Variants in LAPTM5 observed in about 807,000 individuals in gnomAD.
LAPTM5 encodes the protein lysosomal protein transmembrane 5, also known as lysosomal-associated transmembrane protein 5.
LAPTM5 carries 11 observed loss-of-function variants against 30.1 expected under a neutral mutation model. That is an observed-to-expected ratio of 0.37 (90% CI 0.23 to 0.60). The LOEUF (loss-of-function observed/expected upper bound fraction) is 0.60. Among genes scored for constraint, LAPTM5 ranks in the 20% least tolerant of loss-of-function variants. The pLI, the probability that LAPTM5 is intolerant of heterozygous loss-of-function variation, is 0.71. For missense variants in LAPTM5, 324 were observed against 332.5 expected, an observed-to-expected ratio of 0.97 and a Z score of 0.20; for synonymous variants, 151 against 137.9, an observed-to-expected ratio of 1.10 and a Z score of -0.67.
rs1363524588 is a variant in LAPTM5, at chr1:30,746,263, C to T, written c.88-3714G>A. The stretch of plus-strand genomic sequence containing the variant: ...GCAGGAGGGTCAGTGGGGTGGAGCT[C>T]CTACACACTGTAGGACATCTCACCC... On this transcript the variant is annotated intron_variant, in intron 1 of 7. Transcript: ENST00000294507. The surrounding 1 kb of genome is among the most constrained non-coding windows in gnomAD (Gnocchi z 4.0). 6.6e-6 allele frequency: 1 copy of T among 152,216 alleles called. No homozygotes were observed. The highest frequency in any genetic ancestry group is 6.5e-5 in the Admixed American group (1 of 15,268). The allele number at this position is 152,216 out of a possible 1,614,324, so 9.4% of individuals were successfully genotyped here. A position where few individuals can be genotyped will look rare whatever the true frequency, so the allele number is the denominator to read the frequency against.
chr1:30,742,642 G>T, intron 1 of LAPTM5, 93 bp from the exon 2 acceptor site: 1 of 979,370 alleles, frequency 1.0e-6, no homozygotes, highest in Non-Finnish European at 1.6e-6. Flanking sequence ...AGGGAAGCCA[G>T]TAGTGGGGAT....
At chr1:30,753,623 A>T (rs1640168954) in intron 1 of LAPTM5, among the ~76,000 whole-genome samples, 1 of 152,252 alleles carries the variant, frequency 6.6e-6, no homozygotes, top group Non-Finnish European at 1.5e-5. Context: ...ATCAAAAACA[A>T]GAAAAATCTG....
At chr1:30,744,556 C>G (rs888942130) in intron 1 of LAPTM5, among the ~76,000 whole-genome samples, 2 of 152,206 alleles carry the variant, frequency 1.3e-5, no homozygotes, top group Non-Finnish European at 2.9e-5. Context: ...CCAGGATTAT[C>G]TGAGATCTGG....
intron 5 of LAPTM5, 118 bp downstream of exon 5, chr1:30,738,822 C>T: frequency 8.8e-7 from 1 of 1,132,678 alleles, no homozygotes; most frequent in Admixed American, 2.6e-5. Flanking sequence ...CAAGAATCTT[C>T]CTCCCAAGCT....
rs1360502676 is a variant in LAPTM5 at position 30,739,860 on chromosome 1, G to T, written c.336C>A (p.Gly112=). 2.5e-6 allele frequency: 4 copies of T among 1,608,342 alleles called. No homozygotes were observed. Among genetic ancestry groups the T allele is most frequent in the Non-Finnish European group, 3.4e-6 (4 of 1,177,190 alleles). The change falls in exon 4 of 8, where the codon GGC becomes GGA. Residue 112 remains glycine, a synonymous_variant. Transcript: ENST00000294507. This position sits in a 1 kb window ranked among gnomAD's most constrained non-coding sequence, Gnocchi z 4.2. The stretch of plus-strand genomic sequence containing the variant: ...GGTAGGCGGGCAGCTCAATGTAGGA[G>T]CCCAGCAGGGTGAGCAGGCACAGGA... The part of the protein sequence containing the change: ...DYLLCLLTLL[G]SYIELPAYLK...
In LAPTM5 at chr1:30,739,083, G is replaced by A. The variant is rs778042983; in HGVS notation, c.388-21C>T. On this transcript the variant is annotated intron_variant, in intron 4 of 7. Transcript: ENST00000294507. The surrounding 1 kb of genome is among the most constrained non-coding windows in gnomAD (Gnocchi z 4.2). Reference sequence around the variant, plus strand: ...GAGCTCTGGGGAGGACAAATACAAGGAGGAGGAATGAGGAGCAGCAATTAA... The same window carrying A: ...GAGCTCTGGGGAGGACAAATACAAGAAGGAGGAATGAGGAGCAGCAATTAA... 7.7e-6 allele frequency: 12 copies of A among 1,566,274 alleles called. No homozygotes were observed. The highest frequency in any genetic ancestry group is 4.1e-5 in the African/African-American group (3 of 74,066).
Position 30,739,991 on chromosome 1 carries a change from G to A in LAPTM5, c.259-54C>T, listed in dbSNP as rs186075177. ...GTCCCCTGCATGCAGCCAACACTCCGCCACCCAGCCTGATATCCTCATGCA... is the reference window on the plus strand; with the variant it reads ...GTCCCCTGCATGCAGCCAACACTCCACCACCCAGCCTGATATCCTCATGCA... On this transcript the variant is annotated intron_variant, in intron 3 of 7. Transcript: ENST00000294507. The surrounding 1 kb of genome is among the most constrained non-coding windows in gnomAD (Gnocchi z 4.2). 109 of 1,492,526 alleles carry A rather than the reference G, an allele frequency of 7.3e-5. No homozygotes were observed. The highest frequency in any genetic ancestry group is 3.6e-4 in the Middle Eastern group (2 of 5,584). 92.5% of individuals were successfully genotyped at this position (1,492,526 alleles called of 1,614,324 possible). A position where few individuals can be genotyped will look rare whatever the true frequency, so the allele number is the denominator to read the frequency against.
At chr1:30,740,399 T>TCCCCCCCC (rs148522746) in intron 3 of LAPTM5, among the ~76,000 whole-genome samples, 3 of 103,188 alleles carry the variant, frequency 2.9e-5, no homozygotes, top group Non-Finnish European at 5.9e-5. Context: ...AGAGAGCCCC[T>TCCCCCCCC]CCCCCCCACC....
At position 30,739,862 on chromosome 1, in the gene LAPTM5, C is replaced by G. The variant is rs557747360; in HGVS notation, c.334G>C (p.Gly112Arg). The G allele has an allele frequency of 3.0e-5, 49 of 1,607,776 alleles. No homozygotes were observed. In the Admixed American group the frequency reaches 6.3e-4, roughly 21 times the overall value. ...DYLLCLLTLL[G>R]SYIELPAYLK... is the part of the protein sequence containing the mutation. Reference sequence around the variant, plus strand: ...TAGGCGGGCAGCTCAATGTAGGAGCCCAGCAGGGTGAGCAGGCACAGGAGA... The same window carrying G: ...TAGGCGGGCAGCTCAATGTAGGAGCGCAGCAGGGTGAGCAGGCACAGGAGA... The change falls in exon 4 of 8, where the codon GGC (glycine) becomes CGC (arginine). Residue 112 changes from glycine (G) to arginine (R), a missense_variant. By Grantham distance (125) the Gly-to-Arg change is moderately radical. Transcript: ENST00000294507. This position sits in a 1 kb window ranked among gnomAD's most constrained non-coding sequence, Gnocchi z 4.2.
chr1:30,737,663 G>A lies in LAPTM5; in HGVS notation c.547C>T (p.Gln183Ter). 1 of 1,613,794 alleles carries A rather than the reference G, an allele frequency of 6.2e-7. No individual in the cohort carries two copies. The highest frequency in any genetic ancestry group is 8.5e-7 in the Non-Finnish European group (1 of 1,179,814). Residue 183 changes from glutamine to a stop codon, truncating the protein, a stop_gained, in exon 6 of 8, where the codon CAG (glutamine) becomes TAG (stop). Coordinates refer to ENST00000294507, the MANE Select transcript of LAPTM5 (RefSeq NM_006762.3). LOFTEE classifies it high-confidence loss of function. ...AAGATGATCATCATCTTGATGAACT[G>A]GTTATGAGGCATATCCTCCTGGCTG... The part of the protein sequence containing the change: ...LPSQEDMPHN[Q>*]FIKMMIIFSI...
chr1:30,754,146 A>C (rs1640177098), intron 1 of LAPTM5, among the ~76,000 whole-genome samples: 1 of 152,198 alleles, frequency 6.6e-6, no homozygotes, highest in Admixed American at 6.5e-5. Flanking sequence ...ATTTCTGGGC[A>C]AAAGTGTCTT....
At chr1:30,735,505 G>T (rs1639873281) in intron 6 of LAPTM5, among the ~76,000 whole-genome samples, 1 of 152,150 alleles carries the variant, frequency 6.6e-6, no homozygotes, top group African/African-American at 2.4e-5. Flanking sequence ...GGGGCTTCTA[G>T]CCCACCCTCC....
chr1:30,757,626 G>T (rs755163339), intron 1 of LAPTM5, 33 bp downstream of exon 1: 2 of 1,601,610 alleles, frequency 1.2e-6, no homozygotes, highest in Admixed American at 1.7e-5. Flanking sequence ...ACACAAGCAC[G>T]CACGCACACA....
At chr1:30,743,807 T>TG (rs1379224524) in intron 1 of LAPTM5, among the ~76,000 whole-genome samples, 2 of 148,650 alleles carry the variant, frequency 1.3e-5, no homozygotes, top group African/African-American at 5.0e-5. Flanking sequence ...TTTTTTTTTT[T>TG]TTTTTTTTTT....
rs1474720926 is a variant in LAPTM5 at position 30,735,150 on chromosome 1, C to T, written c.699+23G>A. On this transcript the variant is annotated intron_variant, in intron 7 of 7. Transcript: ENST00000294507. ...CACAGGGAGTTAGTGACAGGGCTGG[C>T]ACCCACCTGCAGCCACACTCACCTT... 2.6e-6 allele frequency: 4 copies of T among 1,568,444 alleles called. No homozygotes were observed. In the Admixed American group the frequency reaches 5.0e-5, roughly 20 times the overall value.
chr1:30,753,118 T>A (rs1036855141), intron 1 of LAPTM5, among the ~76,000 whole-genome samples: 1 of 151,980 alleles, frequency 6.6e-6, no homozygotes, highest in Non-Finnish European at 1.5e-5. Flanking sequence ...AGTAGTATAC[T>A]TGAGCCACAA....
rs1484920529 is a variant in LAPTM5, at chr1:30,735,115, AC to A, written c.699+57del. The A allele has an allele frequency of 2.1e-5, 26 of 1,246,064 alleles. No individual in the cohort carries two copies. The East Asian group carries it at 5.5e-4, about 27-fold the overall frequency. 77.2% of individuals were successfully genotyped at this position (1,246,064 alleles called of 1,614,324 possible). The stretch of plus-strand genomic sequence containing the variant: ...AGGTCCAGAGAGGGAAGGAAACTTG[AC>A]CCAAATGGCACAGGGAGTTAGTGAC... On this transcript the variant is annotated intron_variant, in intron 7 of 7. Coordinates refer to ENST00000294507, the MANE Select transcript of LAPTM5 (RefSeq NM_006762.3).
intron 3 of LAPTM5, among the ~76,000 whole-genome samples, chr1:30,740,833 C>T (rs955201341): frequency 6.6e-6 from 1 of 152,170 alleles, no homozygotes; most frequent in Non-Finnish European, 1.5e-5. Flanking sequence ...TGGGTGCTGG[C>T]ATTTGAGGCA....
intron 1 of LAPTM5, among the ~76,000 whole-genome samples, chr1:30,748,805 C>T (rs1020369278): frequency 6.6e-6 from 1 of 152,270 alleles, no homozygotes; most frequent in Non-Finnish European, 1.5e-5. Context: ...ATCCCCTCCT[C>T]CCTCCACTGG....
Sources: gnomAD v4.1 joint callset for allele counts (sites outside exome capture counted in the v4.1 genomes callset) on GRCh38, gnomAD v4.1.1 for gene constraint, Gnocchi (gnomAD v3.1) non-coding constraint, MANE v1.5 for transcripts, NCBI Gene and HGNC (gene_info 2026-07-23, HGNC 2026-07-21) for gene names.